The following TPD52 variants were observed in gnomAD, a reference collection of about 807,000 sequenced individuals.
The protein encoded by TPD52 is tumor protein D52.
Under a neutral mutation model 31.3 loss-of-function variants are expected in TPD52, and 17 were observed. The ratio of observed to expected loss-of-function variants is 0.54; its 90% confidence interval spans 0.37 to 0.82. TPD52 has a LOEUF of 0.82. TPD52 is among the 40% of genes least tolerant of loss of function. TPD52 has a pLI of 0.00. For synonymous variants in TPD52, 83 were observed against 89.6 expected (o/e 0.93, Z 0.42); for missense variants, 212 against 240.1 (o/e 0.88, Z 0.77).
rs1290729870 is a variant in TPD52 at position 80,094,428 on chromosome 8, TTTTATATATATATATATATATA to T, written c.20-29857_20-29836del. On this transcript the variant is annotated intron_variant, in intron 1 of 7. Transcript: ENST00000518937. ...TGACTAAGTTCTAGACAAAAGAAAA[TTTTATATATATATATATATATA>T]TATATATATATATATATATATATAT... 2.4e-3 allele frequency among the ~76,000 whole-genome samples: 166 copies of T among 69,126 alleles called. 2 individuals are homozygous for T. The highest frequency in any genetic ancestry group is 6.8e-3 in the African/African-American group (160 of 23,444). 45.3% of individuals were successfully genotyped at this position (69,126 alleles called of 152,430 possible).
intron 2 of TPD52, among the ~76,000 whole-genome samples, chr8:80,062,530 A>G (rs1320845966): frequency 6.6e-6 from 1 of 152,244 alleles, no homozygotes; most frequent in Non-Finnish European, 1.5e-5. Context: ...CCATAATGAG[A>G]TATCACTTCA....
chr8:80,043,919 C>G (rs145907320), intron 6 of TPD52, among the ~76,000 whole-genome samples: 1 of 152,256 alleles, frequency 6.6e-6, no homozygotes, highest in African/African-American at 2.4e-5. Flanking sequence ...AGATTTCAGA[C>G]AGGAAACAAA....
chr8:80,159,002 G>A (rs1261994143), intron 1 of TPD52: 3 of 144,952 alleles, frequency 2.1e-5, no homozygotes, highest in Admixed American at 6.9e-5. Context: ...GAACCGCATC[G>A]AAAATGTGTT....
chr8:80,097,881 A>G (rs1352309673), intron 1 of TPD52, among the ~76,000 whole-genome samples: 2 of 152,224 alleles, frequency 1.3e-5, no homozygotes, highest in Non-Finnish European at 2.9e-5. Context: ...CAATGCTTCA[A>G]TGGACAGGCT....
rs79448824 is a variant in TPD52 at position 80,099,088 on chromosome 8, T to C, written c.20-34495A>G. Among the ~76,000 whole-genome samples, 78 of 152,330 alleles carry C rather than the reference T, an allele frequency of 5.1e-4. 1 individual carries two copies. In the East Asian group the frequency reaches 0.014, roughly 28 times the overall value. ...AATTTTTTAGACATAATGCCTATTG[T>C]GCATTTAAAAGACTACAGTATAGTG... On this transcript the variant is annotated intron_variant, in intron 1 of 7. Transcript: ENST00000518937.
intron 7 of TPD52, among the ~76,000 whole-genome samples, chr8:80,040,806 T>C (rs1457873672): frequency 2.0e-5 from 3 of 152,196 alleles, no homozygotes; most frequent in African/African-American, 7.2e-5. Flanking sequence ...GACTTGGCAC[T>C]AAGAAAAATA....
intron 1 of TPD52, among the ~76,000 whole-genome samples, chr8:80,073,584 C>A (rs1814177520): frequency 6.6e-6 from 1 of 152,214 alleles, no homozygotes; most frequent in Non-Finnish European, 1.5e-5. Flanking sequence ...TTAGCAGGAT[C>A]TCTGATGCAC....
chr8:80,037,721 T>C lies in TPD52; in HGVS notation c.*395A>G, dbSNP rs1810007571. On this transcript the variant is annotated 3_prime_UTR_variant, in exon 8 of 8. Coordinates refer to ENST00000518937, the MANE Select transcript of TPD52 (RefSeq NM_001025253.3). ...AACAATTTTAGTTAAGAATCAAATATACAGAGATTCAAAGAGGGGAAAAAA... is the reference window on the plus strand; with the variant it reads ...AACAATTTTAGTTAAGAATCAAATACACAGAGATTCAAAGAGGGGAAAAAA... The C allele has an allele frequency of 6.4e-6, 1 of 156,360 alleles. No individual in the cohort carries two copies. Among genetic ancestry groups the C allele is most frequent in the Admixed American group, 6.4e-5 (1 of 15,610 alleles). 9.7% of individuals were successfully genotyped at this position (156,360 alleles called of 1,614,324 possible).
At chr8:80,083,549 T>A (rs1244917612) in intron 1 of TPD52, among the ~76,000 whole-genome samples, 1 of 152,154 alleles carries the variant, frequency 6.6e-6, no homozygotes, top group Non-Finnish European at 1.5e-5. Context: ...GATGGTTTTA[T>A]AAGGAGCTTC....
At chr8:80,122,338 G>C (rs945320872) in intron 1 of TPD52, among the ~76,000 whole-genome samples, 1 of 152,296 alleles carries the variant, frequency 6.6e-6, no homozygotes, top group East Asian at 1.9e-4. Flanking sequence ...AGAGACAGAA[G>C]CTGAGCAGCC....
intron 2 of TPD52, among the ~76,000 whole-genome samples, chr8:80,053,846 C>T (rs933360363): frequency 1.3e-5 from 2 of 152,152 alleles, no homozygotes; most frequent in African/African-American, 4.8e-5. Flanking sequence ...TATTTGTATA[C>T]TAAATCAAAA....
At chr8:80,106,255 C>T (rs1807100306) in intron 1 of TPD52, among the ~76,000 whole-genome samples, 1 of 152,116 alleles carries the variant, frequency 6.6e-6, no homozygotes, top group Non-Finnish European at 1.5e-5. Flanking sequence ...AAAGGACAAT[C>T]CAATTATATT....
intron 1 of TPD52, among the ~76,000 whole-genome samples, chr8:80,094,451 T>TATATATATATAG (rs1816556303): frequency 1.6e-5 from 1 of 63,932 alleles, no homozygotes; most frequent in Non-Finnish European, 2.9e-5. Flanking sequence ...TATATATATA[T>TATATATATATAG]ATATATATAT....
chr8:80,152,708 G>A (rs899460749), intron 1 of TPD52, among the ~76,000 whole-genome samples: 1 of 147,684 alleles, frequency 6.8e-6, no homozygotes, highest in African/African-American at 2.6e-5. Context: ...TTGAATCTTG[G>A]GGGGCAGATG....
chr8:80,074,653 A>G (rs140436055), intron 1 of TPD52, among the ~76,000 whole-genome samples: 40 of 152,354 alleles, frequency 2.6e-4, no homozygotes, highest in African/African-American at 9.4e-4. Context: ...ATCTACAAAC[A>G]TGGTCAAATG....
intron 1 of TPD52, among the ~76,000 whole-genome samples, chr8:80,100,157 C>T (rs1385386746): frequency 4.6e-5 from 7 of 152,130 alleles, no homozygotes; most frequent in African/African-American, 1.7e-4. Flanking sequence ...GGAAATCTCG[C>T]CTCCAAATTT....
chr8:80,147,786 A>G (rs2131178362), intron 1 of TPD52, among the ~76,000 whole-genome samples: 1 of 151,990 alleles, frequency 6.6e-6, no homozygotes, highest in East Asian at 1.9e-4. Flanking sequence ...AAGCCTCTTC[A>G]AGACAGTGGG....
intron 1 of TPD52, among the ~76,000 whole-genome samples, chr8:80,083,315 A>G (rs919202061): frequency 6.6e-6 from 1 of 152,186 alleles, no homozygotes; most frequent in Non-Finnish European, 1.5e-5. Flanking sequence ...ACTCAGAAAG[A>G]GGCTATGGGT....
chr8:80,139,869 T>C (rs928191787), intron 1 of TPD52, among the ~76,000 whole-genome samples: 2 of 152,164 alleles, frequency 1.3e-5, no homozygotes, highest in Admixed American at 6.5e-5. Flanking sequence ...GGGGGATGGA[T>C]GCCTGACTCC....
Sources: gnomAD v4.1 joint callset for allele counts (sites outside exome capture counted in the v4.1 genomes callset) on GRCh38, gnomAD v4.1.1 for gene constraint, MANE v1.5 for transcripts, NCBI Gene and HGNC (gene_info 2026-07-23, HGNC 2026-07-21) for gene names.